JAM2: variants seen among roughly 807,000 people sequenced by gnomAD.
JAM2 encodes junctional adhesion molecule 2.
A neutral mutation model predicts 42.0 loss-of-function variants in JAM2; 17 were observed. That is an observed-to-expected ratio of 0.40 (90% CI 0.28 to 0.61). The LOEUF (loss-of-function observed/expected upper bound fraction) is 0.61. JAM2 is among the 20% of genes least tolerant of loss of function. JAM2 has a pLI of 0.37. For missense variants in JAM2, 319 were observed against 358.3 expected, an observed-to-expected ratio of 0.89 and a Z score of 0.89; for synonymous variants, 118 against 128.6, an observed-to-expected ratio of 0.92 and a Z score of 0.56.
At chr21:25,656,640 C>A (rs1261721987) in intron 1 of JAM2, among the ~76,000 whole-genome samples, 1 of 152,116 alleles carries the variant, frequency 6.6e-6, no homozygotes, top group African/African-American at 2.4e-5. Flanking sequence ...TATTTCTGTG[C>A]TGGACAACAC....
intron 4 of JAM2, among the ~76,000 whole-genome samples, chr21:25,694,223 A>C (rs1290043710): frequency 6.6e-6 from 1 of 152,238 alleles, no homozygotes; most frequent in Non-Finnish European, 1.5e-5. Flanking sequence ...AGTTTTCAGC[A>C]TATACACAGT....
intron 1 of JAM2, among the ~76,000 whole-genome samples, chr21:25,658,630 A>T (rs1014863599): frequency 6.6e-6 from 1 of 152,158 alleles, no homozygotes; most frequent in Non-Finnish European, 1.5e-5. Context: ...TGCAATGTCA[A>T]TTGTTATCTA....
chr21:25,678,558 T>C (rs2033553229), intron 1 of JAM2, among the ~76,000 whole-genome samples: 1 of 152,200 alleles, frequency 6.6e-6, no homozygotes, highest in Admixed American at 6.5e-5. Context: ...AAAGAGTTCT[T>C]TTGAAATGAC....
At chr21:25,685,884 T>C (rs905349571) in intron 2 of JAM2, among the ~76,000 whole-genome samples, 2 of 152,246 alleles carry the variant, frequency 1.3e-5, no homozygotes, top group Non-Finnish European at 2.9e-5. Context: ...CTTCTCACTT[T>C]CTTGGAGGTT....
Position 25,714,767 on chromosome 21 carries a change from A to G in JAM2, c.*95A>G, listed in dbSNP as rs951395917. 1.3e-6 allele frequency: 1 copy of G among 776,142 alleles called. No homozygotes were observed. Among genetic ancestry groups the G allele is most frequent in the Non-Finnish European group, 2.0e-6 (1 of 502,760 alleles). The allele number at this position is 776,142 out of a possible 1,614,324, so 48.1% of individuals were successfully genotyped here. A position where few individuals can be genotyped will look rare whatever the true frequency, so the allele number is the denominator to read the frequency against. On this transcript the variant is annotated 3_prime_UTR_variant, in exon 10 of 10. Coordinates refer to ENST00000480456, the MANE Select transcript of JAM2 (RefSeq NM_021219.4). ...CTTTGTCCGACATTTGCAAAGAGGT[A>G]CACGAGGAAATGGAATTGGTATTTC...
chr21:25,687,722 C>T (rs1178571290), intron 2 of JAM2, among the ~76,000 whole-genome samples: 1 of 152,192 alleles, frequency 6.6e-6, no homozygotes, highest in Non-Finnish European at 1.5e-5. Flanking sequence ...GGCACTGGCT[C>T]TTTCCTTGCT....
Position 25,706,044 on chromosome 21 carries a change from G to A in JAM2, c.763G>A (p.Gly255Ser). The A allele has an allele frequency of 6.2e-7, 1 of 1,613,832 alleles. No individual in the cohort carries two copies. Among genetic ancestry groups the A allele is most frequent in the Non-Finnish European group, 8.5e-7 (1 of 1,179,740 alleles). Residue 255 changes from glycine to serine, a missense_variant, in exon 7 of 10, where the codon GGC becomes AGC. Physicochemically the swap from Gly to Ser is moderately conservative, Grantham distance 56. Coordinates refer to ENST00000480456, the MANE Select transcript of JAM2 (RefSeq NM_021219.4). Reference protein sequence around the residue: ...VVVALVISVCGLGVCYAQRKG... With the variant: ...VVVALVISVCSLGVCYAQRKG... ...TGTGGCCTTAGTGATTTCCGTTTGT[G>A]GCCTTGGTGTATGCTATGCTCAGAG...
intron 1 of JAM2, among the ~76,000 whole-genome samples, chr21:25,643,203 C>A (rs1209565891): frequency 6.6e-6 from 1 of 152,198 alleles, no homozygotes. Context: ...AATCATGAAG[C>A]TCTAACTTCA....
At chr21:25,649,178 C>T (rs887706250) in intron 1 of JAM2, among the ~76,000 whole-genome samples, 1 of 152,186 alleles carries the variant, frequency 6.6e-6, no homozygotes, top group African/African-American at 2.4e-5. Context: ...ATACACCCCT[C>T]AAAAGTTGCT....
chr21:25,680,667 A>T (rs2033608243), intron 1 of JAM2, among the ~76,000 whole-genome samples: 1 of 152,216 alleles, frequency 6.6e-6, no homozygotes, highest in South Asian at 2.1e-4. Flanking sequence ...TTGGAGCTGG[A>T]GATGTGGAGT....
intron 1 of JAM2, among the ~76,000 whole-genome samples, chr21:25,641,491 T>C (rs2032441047): frequency 1.3e-5 from 2 of 152,160 alleles, no homozygotes; most frequent in Admixed American, 1.3e-4. Flanking sequence ...CTAAACTTGA[T>C]TCCTATAGGG....
intron 3 of JAM2, chr21:25,692,050 A>G (rs1472590610): frequency 3.3e-5 from 5 of 152,874 alleles, no homozygotes; most frequent in Non-Finnish European, 5.8e-5. Flanking sequence ...GAAGGGCCTC[A>G]GTGGCCAGGC....
chr21:25,666,562 G>T (rs7282275), intron 1 of JAM2, among the ~76,000 whole-genome samples: 59,666 of 151,692 alleles, frequency 0.39, 13,460 homozygotes, highest in East Asian at 0.63. Flanking sequence ...TTTGAGACAA[G>T]GTCTTGCTCT....
chr21:25,664,760 C>T (rs965080325), intron 1 of JAM2, among the ~76,000 whole-genome samples: 2 of 152,138 alleles, frequency 1.3e-5, no homozygotes, highest in Non-Finnish European at 2.9e-5. Context: ...TATATTCCTC[C>T]CTAGAGAGTC....
chr21:25,644,263 C>T (rs982693115), intron 1 of JAM2: 1 of 152,244 alleles, frequency 6.6e-6, no homozygotes, highest in South Asian at 2.1e-4. Context: ...CTGTGAAACA[C>T]ATGACCAAAA....
At chr21:25,648,210 CAA>C (rs59902984) in intron 1 of JAM2, among the ~76,000 whole-genome samples, 4 of 147,204 alleles carry the variant, frequency 2.7e-5, no homozygotes, top group Non-Finnish European at 4.5e-5. Context: ...GATTCTGTCT[CAA>C]AAAAAAAAAT....
chr21:25,670,074 A>G (rs972441601), intron 1 of JAM2, among the ~76,000 whole-genome samples: 1 of 152,220 alleles, frequency 6.6e-6, no homozygotes, highest in African/African-American at 2.4e-5. Context: ...TGCTATGACA[A>G]ACATCAAACA....
intron 1 of JAM2, among the ~76,000 whole-genome samples, chr21:25,645,347 A>T (rs1488176052): frequency 6.6e-6 from 1 of 152,228 alleles, no homozygotes; most frequent in East Asian, 1.9e-4. Context: ...TCCCAATAAG[A>T]GTGCTTACCT....
chr21:25,663,424 TG>T (rs1289822375), intron 1 of JAM2, among the ~76,000 whole-genome samples: 3 of 152,206 alleles, frequency 2.0e-5, no homozygotes, highest in Non-Finnish European at 4.4e-5. Flanking sequence ...AGGGTTGCTA[TG>T]GTTTGAATAT....
Sources: allele counts gnomAD v4.1 joint callset (sites outside exome capture counted in the v4.1 genomes callset), GRCh38; gene constraint gnomAD v4.1.1; transcripts MANE v1.5; gene names NCBI Gene and HGNC (gene_info 2026-07-23, HGNC 2026-07-21).